Variants in FMN1 observed in about 807,000 individuals in gnomAD.
FMN1 encodes formin 1.
A neutral mutation model predicts 132.4 loss-of-function variants in FMN1; 110 were observed. The ratio of observed to expected loss-of-function variants is 0.83; its 90% CI spans 0.71 to 0.97. The LOEUF is 0.97. Among genes scored for constraint, FMN1 ranks in the 50% least tolerant of loss-of-function variants. The pLI, the probability that FMN1 is intolerant of heterozygous loss-of-function variation, is 0.00. For synonymous variants in FMN1, 722 were observed against 651.7 expected, an observed-to-expected ratio of 1.11 and a Z score of -1.64; for missense variants, 1,792 against 1,705.3, an observed-to-expected ratio of 1.05 and a Z score of -0.90.
intron 4 of FMN1, among the ~76,000 whole-genome samples, chr15:33,129,356 A>T (rs922268412): frequency 6.6e-6 from 1 of 152,220 alleles, no homozygotes; most frequent in African/African-American, 2.4e-5. Context: ...AGCTGAAATA[A>T]ATCTGAGGCT....
chr15:33,065,695 C>G (rs1487984707), intron 5 of FMN1, among the ~76,000 whole-genome samples: 1 of 152,090 alleles, frequency 6.6e-6, no homozygotes, highest in Non-Finnish European at 1.5e-5. Context: ...AACATTTTAA[C>G]TGAATATTTT....
intron 4 of FMN1, among the ~76,000 whole-genome samples, chr15:33,100,687 A>G (rs2039260577): frequency 6.6e-6 from 1 of 152,214 alleles, no homozygotes; most frequent in Admixed American, 6.5e-5. Flanking sequence ...TAACCAATAA[A>G]AATCCACTTG....
chr15:33,016,077 C>T (rs2035027408), intron 6 of FMN1, among the ~76,000 whole-genome samples: 1 of 152,124 alleles, frequency 6.6e-6, no homozygotes, highest in Admixed American at 6.5e-5. Context: ...AGAACCACTG[C>T]TTTAATAAGG....
At chr15:33,179,174 A>T (rs954265352) in intron 3 of FMN1, among the ~76,000 whole-genome samples, 5 of 152,226 alleles carry the variant, frequency 3.3e-5, no homozygotes, top group Admixed American at 3.3e-4. Context: ...AAAATATGAA[A>T]AGTATAAAAA....
intron 10 of FMN1, among the ~76,000 whole-genome samples, chr15:32,919,012 C>T (rs1014926897): frequency 3.3e-5 from 5 of 152,154 alleles, no homozygotes; most frequent in African/African-American, 1.2e-4. Context: ...AAAAATTTAG[C>T]TCTACCTATA....
chr15:33,140,612 C>A (rs936281363), intron 4 of FMN1, among the ~76,000 whole-genome samples: 6 of 152,116 alleles, frequency 3.9e-5, no homozygotes, highest in Non-Finnish European at 7.3e-5. Flanking sequence ...ATAATTACAA[C>A]AATGTAAAGT....
At chr15:32,783,369 A>T (rs1258716) in intron 19 of FMN1, among the ~76,000 whole-genome samples, 149,152 of 152,240 alleles carry the variant, frequency 0.98, 73,133 homozygotes, top group Middle Eastern at 1. Flanking sequence ...GCTGCCAAAG[A>T]CTACTGAGGA....
intron 16 of FMN1, among the ~76,000 whole-genome samples, chr15:32,884,735 G>T (rs2059854232): frequency 6.6e-6 from 1 of 152,154 alleles, no homozygotes; most frequent in Non-Finnish European, 1.5e-5. Context: ...CACAGTATCA[G>T]GGAAATTGAA....
At chr15:33,015,851 A>G (rs1408847726) in intron 6 of FMN1, among the ~76,000 whole-genome samples, 1 of 152,262 alleles carries the variant, frequency 6.6e-6, no homozygotes, top group Non-Finnish European at 1.5e-5. Context: ...TGCATTAGGG[A>G]AAAATTATCA....
chr15:32,802,167 AT>A (rs1341448101), intron 18 of FMN1, among the ~76,000 whole-genome samples: 3 of 152,204 alleles, frequency 2.0e-5, no homozygotes, highest in Non-Finnish European at 4.4e-5. Flanking sequence ...TAACTTTTTC[AT>A]TTCATGCAAA....
At chr15:33,059,799 CTG>C in intron 6 of FMN1, among the ~76,000 whole-genome samples, 1 of 152,290 alleles carries the variant, frequency 6.6e-6, no homozygotes, top group Non-Finnish European at 1.5e-5. Context: ...ATTCTAAAAA[CTG>C]AGACTCTATA....
At chr15:33,093,082 A>C (rs2038959192) in intron 4 of FMN1, among the ~76,000 whole-genome samples, 1 of 152,258 alleles carries the variant, frequency 6.6e-6, no homozygotes, top group South Asian at 2.1e-4. Flanking sequence ...TCTGGACAAA[A>C]GTCCCTAAGG....
At chr15:33,059,906 T>C (rs937205281) in intron 6 of FMN1, among the ~76,000 whole-genome samples, 1 of 152,264 alleles carries the variant, frequency 6.6e-6, no homozygotes, top group African/African-American at 2.4e-5. Context: ...GTCCGCACTT[T>C]TGATTCCTCT....
At chr15:32,783,209 G>C (rs1369044563) in intron 19 of FMN1, among the ~76,000 whole-genome samples, 1 of 152,070 alleles carries the variant, frequency 6.6e-6, no homozygotes, top group Non-Finnish European at 1.5e-5. Context: ...GGAAATATAG[G>C]AAACAAACAA....
chr15:33,101,146 G>C (rs2039278807), intron 4 of FMN1, among the ~76,000 whole-genome samples: 1 of 152,076 alleles, frequency 6.6e-6, no homozygotes, highest in Non-Finnish European at 1.5e-5. Context: ...AAATGGATTT[G>C]AACAAGCCTT....
At chr15:32,996,983 C>T (rs190268812) in intron 7 of FMN1, among the ~76,000 whole-genome samples, 3 of 152,212 alleles carry the variant, frequency 2.0e-5, no homozygotes, top group Admixed American at 6.5e-5. Flanking sequence ...AAAATCGTAA[C>T]GAAGAAGTAA....
intron 16 of FMN1, among the ~76,000 whole-genome samples, chr15:32,858,558 T>C (rs77851564): frequency 0.015 from 2,233 of 152,310 alleles, 50 homozygotes; most frequent in African/African-American, 0.052. Flanking sequence ...TCTATTGACA[T>C]TGTTTCTTAA....
intron 15 of FMN1, among the ~76,000 whole-genome samples, chr15:32,894,621 C>G (rs2060110581): frequency 6.6e-6 from 1 of 152,050 alleles, no homozygotes; most frequent in African/African-American, 2.4e-5. Context: ...CAAAGTACTT[C>G]TCAGGCTTCA....
intron 4 of FMN1, among the ~76,000 whole-genome samples, chr15:33,126,932 AAGGTG>A (rs1323459074): frequency 1.3e-5 from 2 of 152,232 alleles, no homozygotes; most frequent in Non-Finnish European, 2.9e-5. Flanking sequence ...GATTAAACGT[AAGGTG>A]ACTCCTGACA....
Sources: gnomAD v4.1 joint callset for allele counts (sites outside exome capture counted in the v4.1 genomes callset) on GRCh38, gnomAD v4.1.1 for gene constraint, MANE v1.5 for transcripts, NCBI Gene and HGNC (gene_info 2026-07-23, HGNC 2026-07-21) for gene names.